TTLL11: variants seen among roughly 807,000 people sequenced by gnomAD.
The protein encoded by TTLL11 is tubulin tyrosine ligase like 11.
In TTLL11, 42 loss-of-function variants were observed where a neutral mutation model predicts 51.7. The ratio of observed to expected loss-of-function variants is 0.81; its 90% CI spans 0.64 to 1.05. The LOEUF is 1.05. Ranked by LOEUF, TTLL11 falls within the 50% of genes least tolerant of loss-of-function variation. The pLI is 0.00. For synonymous variants in TTLL11, 381 were observed against 383.5 expected, an observed-to-expected ratio of 0.99 and a Z score of 0.08; for missense variants, 799 against 940.4, an observed-to-expected ratio of 0.85 and a Z score of 1.97.
chr9:121,868,830 T>C (rs992445744), intron 7 of TTLL11, among the ~76,000 whole-genome samples: 4 of 152,222 alleles, frequency 2.6e-5, no homozygotes, highest in African/African-American at 4.8e-5. Flanking sequence ...CATGTGCCTA[T>C]TGATTTTTTT....
intron 6 of TTLL11, among the ~76,000 whole-genome samples, chr9:121,897,923 C>CTTTTTTTTT (rs113818323): frequency 3.5e-5 from 5 of 143,142 alleles, no homozygotes; most frequent in Admixed American, 2.1e-4. Flanking sequence ...TTCTTCTATT[C>CTTTTTTTTT]TTTTTTTTTT....
At chr9:122,061,493 T>G (rs777482173) in intron 1 of TTLL11, among the ~76,000 whole-genome samples, 1 of 152,212 alleles carries the variant, frequency 6.6e-6, no homozygotes, top group Non-Finnish European at 1.5e-5. Context: ...GTGGAATTTT[T>G]GGGGTTGAAG....
chr9:122,056,556 C>T (rs1305300241), intron 1 of TTLL11, among the ~76,000 whole-genome samples: 9 of 152,090 alleles, frequency 5.9e-5, no homozygotes, highest in African/African-American at 2.2e-4. Flanking sequence ...TCCTTAGGCC[C>T]CATGGAACTG....
intron 8 of TTLL11, among the ~76,000 whole-genome samples, chr9:121,832,386 T>A (rs1334263178): frequency 6.6e-6 from 1 of 152,214 alleles, no homozygotes; most frequent in Non-Finnish European, 1.5e-5. Flanking sequence ...TGAAAGGATC[T>A]CTTTGGTAAC....
Position 122,092,693 on chromosome 9 carries a change from C to A in TTLL11, c.456G>T (p.Trp152Cys). 1 of 1,537,180 alleles carries A rather than the reference C, an allele frequency of 6.5e-7. No homozygotes were observed. The highest frequency in any genetic ancestry group is 8.7e-7 in the Non-Finnish European group (1 of 1,146,912). The change falls in exon 1 of 9, where the codon TGG (tryptophan) becomes TGT (cysteine). Residue 152 changes from tryptophan (W) to cysteine (C), a missense_variant. By Grantham distance (215) the Trp-to-Cys change is radical (BLOSUM62 -2). Coordinates refer to ENST00000321582, the MANE Select transcript of TTLL11 (RefSeq NM_001139442.2). ...ALKISIRQLKWKEFPFGRRLP... is the reference protein window; with the variant it reads ...ALKISIRQLKCKEFPFGRRLP... ...GGGTCGGGCCGGGCCTCACCTCCTT[C>A]CACTTGAGCTGGCGGATGCTGATCT...
chr9:121,888,919 T>C (rs1839117991), intron 6 of TTLL11, among the ~76,000 whole-genome samples: 1 of 152,236 alleles, frequency 6.6e-6, no homozygotes, highest in Non-Finnish European at 1.5e-5. Context: ...TCAGCCCAGA[T>C]AGCGCTTGAT....
intron 6 of TTLL11, among the ~76,000 whole-genome samples, chr9:121,940,419 C>T (rs759041087): frequency 6.6e-6 from 1 of 151,894 alleles, no homozygotes; most frequent in African/African-American, 2.4e-5. Context: ...CTCACCACAA[C>T]CTCTGCCTCC....
rs1174254873 is a variant in TTLL11 at position 122,042,632 on chromosome 9, T to C, written c.463-3264A>G. Among the ~76,000 whole-genome samples, 3 of 152,244 alleles carry C rather than the reference T, an allele frequency of 2.0e-5. 1 individual carries two copies. Among genetic ancestry groups the C allele is most frequent in the Non-Finnish European group, 4.4e-5 (3 of 68,034 alleles). On this transcript the variant is annotated intron_variant, in intron 1 of 8. Coordinates refer to ENST00000321582, the MANE Select transcript of TTLL11 (RefSeq NM_001139442.2). The stretch of plus-strand genomic sequence containing the variant: ...ACAAAAATCTGCACATGAATGTTTA[T>C]AGCAGCTGTATTCATAACTGCCAAA...
rs999283503 is a variant in TTLL11 at position 121,821,349 on chromosome 9, C to T, written c.*1238G>A. The stretch of plus-strand genomic sequence containing the variant: ...GAGTCCTACAGTGCACCACACCAGG[C>T]ACAGTACTAGCGCCTCAAATACTTT... On this transcript the variant is annotated 3_prime_UTR_variant, in exon 9 of 9. Transcript: ENST00000321582. This position sits in a 1 kb window ranked among gnomAD's most constrained non-coding sequence, Gnocchi z 5.0. Among the ~76,000 whole-genome samples, 3 of 152,150 alleles carry T rather than the reference C, an allele frequency of 2.0e-5. No individual in the cohort carries two copies. The highest frequency in any genetic ancestry group is 4.4e-5 in the Non-Finnish European group (3 of 68,036).
intron 6 of TTLL11, among the ~76,000 whole-genome samples, chr9:121,908,602 C>T (rs1363107487): frequency 6.6e-6 from 1 of 152,194 alleles, no homozygotes; most frequent in Non-Finnish European, 1.5e-5. Flanking sequence ...TTTGATTCAG[C>T]AGTGGTTTTC....
intron 1 of TTLL11, among the ~76,000 whole-genome samples, chr9:122,052,189 C>T (rs1044404891): frequency 1.3e-5 from 2 of 152,136 alleles, no homozygotes; most frequent in African/African-American, 2.4e-5. Context: ...GAGGGAGGCC[C>T]GCTCACTTCT....
At chr9:122,016,716 C>T (rs143902934) in intron 3 of TTLL11, among the ~76,000 whole-genome samples, 3 of 152,286 alleles carry the variant, frequency 2.0e-5, no homozygotes, top group Non-Finnish European at 2.9e-5. Flanking sequence ...ATGCTTGCTG[C>T]TTCCCTCCAA....
intron 1 of TTLL11, among the ~76,000 whole-genome samples, chr9:122,076,936 G>A (rs941830629): frequency 6.6e-6 from 1 of 152,068 alleles, no homozygotes; most frequent in Admixed American, 6.6e-5. Flanking sequence ...CAGCCAGAAT[G>A]AAAGACATTT....
At chr9:121,975,327 C>G (rs1172216016) in intron 4 of TTLL11, among the ~76,000 whole-genome samples, 1 of 152,182 alleles carries the variant, frequency 6.6e-6, no homozygotes, top group Non-Finnish European at 1.5e-5. Context: ...CTCTCGTTTA[C>G]TAAGTGGCTT....
intron 6 of TTLL11, among the ~76,000 whole-genome samples, chr9:121,972,978 C>T (rs1010748707): frequency 3.9e-5 from 6 of 152,170 alleles, no homozygotes; most frequent in African/African-American, 1.2e-4. Context: ...TATTTGTCTG[C>T]GCTCATTAGG....
chr9:121,820,592 A>G lies in TTLL11; in HGVS notation c.*1995T>C, dbSNP rs1244432952. Among the ~76,000 whole-genome samples, 4 of 152,108 alleles carry G rather than the reference A, an allele frequency of 2.6e-5. No homozygotes were observed. Among genetic ancestry groups the G allele is most frequent in the African/African-American group, 9.7e-5 (4 of 41,434 alleles). ...CTGAATTCATTCTCACCCAGGGACA[A>G]GGAGCCAAAGACAGACACACCTGGA... On this transcript the variant is annotated 3_prime_UTR_variant, in exon 9 of 9. Coordinates refer to ENST00000321582, the MANE Select transcript of TTLL11 (RefSeq NM_001139442.2).
chr9:121,871,963 G>C (rs1838374766), intron 6 of TTLL11, among the ~76,000 whole-genome samples: 1 of 152,204 alleles, frequency 6.6e-6, no homozygotes, highest in Non-Finnish European at 1.5e-5. Flanking sequence ...TCTCTCACCT[G>C]TTGTGTTCAT....
intron 6 of TTLL11, among the ~76,000 whole-genome samples, chr9:121,879,231 C>T (rs568560709): frequency 6.6e-6 from 1 of 152,148 alleles, no homozygotes; most frequent in Non-Finnish European, 1.5e-5. Flanking sequence ...GACTGGTATT[C>T]ACCCCGAGGA....
intron 6 of TTLL11, among the ~76,000 whole-genome samples, chr9:121,922,946 A>G (rs1359952107): frequency 2.0e-5 from 3 of 152,258 alleles, no homozygotes; most frequent in Admixed American, 6.5e-5. Flanking sequence ...AGACATGCAC[A>G]TTTCAAAACC....
Sources: gnomAD v4.1 joint callset for allele counts (sites outside exome capture counted in the v4.1 genomes callset) on GRCh38, gnomAD v4.1.1 for gene constraint, Gnocchi (gnomAD v3.1) non-coding constraint, MANE v1.5 for transcripts, NCBI Gene and HGNC (gene_info 2026-07-23, HGNC 2026-07-21) for gene names.